The following SLC25A34 variants were observed in gnomAD, a reference collection of about 807,000 sequenced individuals.
SLC25A34 encodes solute carrier family 25, member 34.
Under a neutral mutation model 28.1 loss-of-function variants are expected in SLC25A34, and 26 were observed. The observed-to-expected ratio is 0.93, with a 90% CI of 0.68 to 1.28. The LOEUF is 1.28. Ranked by LOEUF, SLC25A34 falls within the 50% of genes most tolerant of loss-of-function variation. The probability of loss-of-function intolerance (pLI) is 0.00; values close to 1 mark genes in which losing one functional copy is unlikely to be tolerated. For synonymous variants in SLC25A34, 182 were observed against 182.2 expected, an observed-to-expected ratio of 1.00 and a Z score of 0.01; for missense variants, 384 against 409.8, an observed-to-expected ratio of 0.94 and a Z score of 0.54.
At chr1:15,738,965 CTTCCTGATG>C in intron 4 of SLC25A34, 1 of 603,174 alleles carries the variant, frequency 1.7e-6, no homozygotes, top group Non-Finnish European at 2.7e-6. Flanking sequence ...TCACATTCAT[CTTCCTGATG>C]AGGAAGCTGA....
chr1:15,738,151 A>G lies in SLC25A34; in HGVS notation c.503A>G (p.Gln168Arg), dbSNP rs781268915. ...CAGCAAGGGCTCTTGGGGCTGTGGCAGGGCGTTGGTGGGGCTGTGCCCCGA... is the reference window on the plus strand; with the variant it reads ...CAGCAAGGGCTCTTGGGGCTGTGGCGGGGCGTTGGTGGGGCTGTGCCCCGA... ...WRQQGLLGLWQGVGGAVPRVM... is the reference protein window; with the variant it reads ...WRQQGLLGLWRGVGGAVPRVM... The change falls in exon 3 of 5, where the codon CAG becomes CGG. Residue 168 changes from glutamine to arginine, a missense_variant. Gln to Arg is a conservative substitution (Grantham distance 43, BLOSUM62 1). Coordinates refer to ENST00000294454, the MANE Select transcript of SLC25A34 (RefSeq NM_207348.3). The G allele has an allele frequency of 3.1e-6, 5 of 1,608,076 alleles. No individual in the cohort carries two copies. Among genetic ancestry groups the G allele is most frequent in the African/African-American group, 1.3e-5 (1 of 74,998 alleles).
At chr1:15,738,038 G>C in intron 2 of SLC25A34, 44 bp downstream of exon 2, 2 of 1,613,680 alleles carry the variant, frequency 1.2e-6, no homozygotes, top group Non-Finnish European at 1.7e-6. Context: ...CATGGATTGG[G>C]CATGCTCCCA....
At chr1:15,737,544 T>C (rs2148389002) in intron 1 of SLC25A34, among the ~76,000 whole-genome samples, 1 of 145,722 alleles carries the variant, frequency 6.9e-6, no homozygotes, top group East Asian at 2.0e-4. Flanking sequence ...TACTTCAGCC[T>C]GGGCAACACA....
Position 15,736,823 on chromosome 1 carries a change from C to T in SLC25A34, c.338C>T (p.Ala113Val), listed in dbSNP as rs1227520437. 6.9e-6 allele frequency: 11 copies of T among 1,591,366 alleles called. No homozygotes were observed. The highest frequency in any genetic ancestry group is 2.3e-5 in the East Asian group (1 of 44,404). Residue 113 changes from alanine (A) to valine (V), a missense_variant, in exon 1 of 5, where the codon GCG becomes GTG. Physicochemically the swap from Ala to Val is moderately conservative, Grantham distance 64 (BLOSUM62 0). Transcript: ENST00000294454. ...GGCACCGTGGTTGCGGGAGCCGTGG[C>T]GGGGGCACTGGGAGCCTTCGTGGGG... ...PGGTVVAGAVAGALGAFVGSP... is the reference protein window; with the variant it reads ...PGGTVVAGAVVGALGAFVGSP...
At position 15,738,148 on chromosome 1, in the gene SLC25A34, G is replaced by A; in HGVS notation, c.500G>A (p.Trp167Ter). The A allele has an allele frequency of 6.2e-7, 1 of 1,608,286 alleles. No homozygotes were observed. The highest frequency in any genetic ancestry group is 8.5e-7 in the Non-Finnish European group (1 of 1,176,520). The stretch of plus-strand genomic sequence containing the variant: ...CGGCAGCAAGGGCTCTTGGGGCTGT[G>A]GCAGGGCGTTGGTGGGGCTGTGCCC... ...IWRQQGLLGL[W>*]QGVGGAVPRV... The change falls in exon 3 of 5, where the codon TGG (tryptophan) becomes TAG (stop). Residue 167 changes from tryptophan to a stop codon, truncating the protein, a stop_gained. Coordinates refer to ENST00000294454, the MANE Select transcript of SLC25A34 (RefSeq NM_207348.3). LOFTEE classifies it high-confidence loss of function.
rs778747290 is a variant in SLC25A34, at chr1:15,736,564, C to T, written c.79C>T (p.Leu27=). 1.1e-5 allele frequency: 16 copies of T among 1,497,588 alleles called. No individual in the cohort carries two copies. In the African/African-American group the frequency reaches 2.0e-4, roughly 18 times the overall value. 92.8% of individuals were successfully genotyped at this position (1,497,588 alleles called of 1,614,324 possible). A position where few individuals can be genotyped will look rare whatever the true frequency, so the allele number is the denominator to read the frequency against. ...CCLACVFTNP[L]EVVKTRLQLQ... ...CCTGGCCTGTGTCTTCACCAACCCCCTGGAGGTGGTGAAGACGCGGCTGCA... is the reference window on the plus strand; with the variant it reads ...CCTGGCCTGTGTCTTCACCAACCCCTTGGAGGTGGTGAAGACGCGGCTGCA... Residue 27 remains leucine, a synonymous_variant, in exon 1 of 5, where the codon CTG becomes TTG. Transcript: ENST00000294454.
chr1:15,737,682 CCAACCG>C (rs2068238164), intron 1 of SLC25A34: 1 of 549,606 alleles, frequency 1.8e-6, no homozygotes, highest in African/African-American at 1.9e-5. Context: ...GAACAGCTTT[CCAACCG>C]TGACAGAATT....
chr1:15,738,678 G>T lies in SLC25A34; in HGVS notation c.682G>T (p.Asp228Tyr). 7 of 1,608,318 alleles carry T rather than the reference G, an allele frequency of 4.4e-6. No individual in the cohort carries two copies. The highest frequency in any genetic ancestry group is 5.9e-6 in the Non-Finnish European group (7 of 1,178,452). Residue 228 changes from aspartate to tyrosine, a missense_variant, in exon 4 of 5, where the codon GAT becomes TAT. Transcript: ENST00000294454. ...CGTGGTTGTCGTCATGACTCCCTTC[G>T]ATGTGGTCAGCACGCGGCTATACAA... ...IAVVVVMTPFDVVSTRLYNQP... is the reference protein window; with the variant it reads ...IAVVVVMTPFYVVSTRLYNQP...
chr1:15,736,612 C>G lies in SLC25A34; in HGVS notation c.127C>G (p.Arg43Gly), dbSNP rs762253847. 16 of 1,563,244 alleles carry G rather than the reference C, an allele frequency of 1.0e-5. No individual in the cohort carries two copies. Among genetic ancestry groups the G allele is most frequent in the Non-Finnish European group, 1.4e-5 (16 of 1,155,002 alleles). The change falls in exon 1 of 5, where the codon CGG (arginine) becomes GGG (glycine). Residue 43 changes from arginine (R) to glycine (G), a missense_variant. By Grantham distance (125) the Arg-to-Gly change is moderately radical (BLOSUM62 -2). Coordinates refer to ENST00000294454, the MANE Select transcript of SLC25A34 (RefSeq NM_207348.3). ...RLQLQGELQA[R>G]GTYPRPYHGF... ...GCAGCTGCAGGGGGAGCTGCAGGCC[C>G]GGGGCACCTACCCACGGCCCTACCA...
rs1374374130 is a variant in SLC25A34 at position 15,739,677 on chromosome 1, G to C, written c.*271G>C. 6 of 354,212 alleles carry C rather than the reference G, an allele frequency of 1.7e-5. No homozygotes were observed. The highest frequency in any genetic ancestry group is 3.0e-5 in the Non-Finnish European group (6 of 197,084). 21.9% of individuals were successfully genotyped at this position (354,212 alleles called of 1,614,324 possible). ...TCACCACATCCCAGAGCCTTGCTCA[G>C]TTATAGCAACTGCTGCGGGCGTGCA... On this transcript the variant is annotated 3_prime_UTR_variant, in exon 5 of 5. Coordinates refer to ENST00000294454, the MANE Select transcript of SLC25A34 (RefSeq NM_207348.3).
intron 3 of SLC25A34, 50 bp from the exon 4 acceptor site, chr1:15,738,544 G>C (rs370678489): frequency 1.3e-6 from 2 of 1,573,092 alleles, no homozygotes; most frequent in East Asian, 4.6e-5. Context: ...GGCACGACGT[G>C]GGTGGGTAGA....
In SLC25A34 at chr1:15,740,960, G is replaced by C. The variant is rs1389586151; in HGVS notation, c.*1554G>C. 1 of 152,360 alleles carries C rather than the reference G, an allele frequency of 6.6e-6. No homozygotes were observed. Among genetic ancestry groups the C allele is most frequent in the Non-Finnish European group, 1.5e-5 (1 of 68,152 alleles). 9.4% of individuals were successfully genotyped at this position (152,360 alleles called of 1,614,324 possible). On this transcript the variant is annotated 3_prime_UTR_variant, in exon 5 of 5. Transcript: ENST00000294454. ...GGCCTCCCAAAATGCTGGGATTACAGGCGTGAGCCACCGCGCCTGGCCTCA... is the reference window on the plus strand; with the variant it reads ...GGCCTCCCAAAATGCTGGGATTACACGCGTGAGCCACCGCGCCTGGCCTCA...
In SLC25A34 at chr1:15,736,643, T is replaced by C. The variant is rs1468800571; in HGVS notation, c.158T>C (p.Phe53Ser). 3.8e-6 allele frequency: 6 copies of C among 1,591,504 alleles called. No homozygotes were observed. In the African/African-American group the frequency reaches 4.0e-5, roughly 11 times the overall value. ...ACCTACCCACGGCCCTACCATGGCT[T>C]CATAGCCTCTGTCGCTGCTGTGGCC... Reference protein sequence around the residue: ...RGTYPRPYHGFIASVAAVARA... With the variant: ...RGTYPRPYHGSIASVAAVARA... The change falls in exon 1 of 5, where the codon TTC (phenylalanine) becomes TCC (serine). Residue 53 changes from phenylalanine to serine, a missense_variant. Coordinates refer to ENST00000294454, the MANE Select transcript of SLC25A34 (RefSeq NM_207348.3).
At chr1:15,738,783 C>G in intron 4 of SLC25A34, 55 bp downstream of exon 4, 2 of 294,022 alleles carry the variant, frequency 6.8e-6, no homozygotes, top group Non-Finnish European at 8.7e-6. Context: ...ACCCCCCCAA[C>G]ACACACACAC....
Position 15,740,281 on chromosome 1 carries a change from T to G in SLC25A34, c.*875T>G, listed in dbSNP as rs1317608915. On this transcript the variant is annotated 3_prime_UTR_variant, in exon 5 of 5. Transcript: ENST00000294454. ...CCACCCTCATGACCCCACTTTAATT[T>G]TTTTTTTTTTTTTTGAGATGAAGTC... The G allele has an allele frequency of 6.7e-6, 1 of 150,026 alleles. No homozygotes were observed. Among genetic ancestry groups the G allele is most frequent in the Non-Finnish European group, 1.5e-5 (1 of 67,620 alleles). 9.3% of individuals were successfully genotyped at this position (150,026 alleles called of 1,614,324 possible).
In SLC25A34 at chr1:15,736,795, G is replaced by A. The variant is rs753332524; in HGVS notation, c.310G>A (p.Gly104Ser). The A allele has an allele frequency of 3.1e-6, 5 of 1,602,538 alleles. No individual in the cohort carries two copies. The South Asian group carries it at 5.5e-5, about 18-fold the overall frequency. The change falls in exon 1 of 5, where the codon GGT becomes AGT. Residue 104 changes from glycine (G) to serine (S), a missense_variant. Transcript: ENST00000294454. ...ACQAGLTQQPGGTVVAGAVAG... is the reference protein window; with the variant it reads ...ACQAGLTQQPSGTVVAGAVAG... ...CCAGGCTGGCCTCACGCAGCAACCA[G>A]GTGGCACCGTGGTTGCGGGAGCCGT...
In SLC25A34 at chr1:15,739,204, C is replaced by G. The variant is rs780899615; in HGVS notation, c.733-20C>G. 6.2e-7 allele frequency: 1 copy of G among 1,608,418 alleles called. No homozygotes were observed. The highest frequency in any genetic ancestry group is 8.5e-7 in the Non-Finnish European group (1 of 1,177,576). ...GCCTCAAGGCCCCTGTAGTAACACT[C>G]ACCCCATGTCTTTCCCCAGGGCCAG... On this transcript the variant is annotated intron_variant, in intron 4 of 4. Coordinates refer to ENST00000294454, the MANE Select transcript of SLC25A34 (RefSeq NM_207348.3).
rs778351052 is a variant in SLC25A34 at position 15,739,312 on chromosome 1, C to G, written c.821C>G (p.Ala274Gly). ...PLALYKGLGPAYLRLGPHTIL... is the reference protein window; with the variant it reads ...PLALYKGLGPGYLRLGPHTIL... Reference sequence around the variant, plus strand: ...GCACTCTACAAGGGCCTGGGCCCCGCCTACCTGCGCCTGGGCCCCCACACC... The same window carrying G: ...GCACTCTACAAGGGCCTGGGCCCCGGCTACCTGCGCCTGGGCCCCCACACC... The change falls in exon 5 of 5, where the codon GCC (alanine) becomes GGC (glycine). Residue 274 changes from alanine to glycine, a missense_variant. By Grantham distance (60) the Ala-to-Gly change is moderately conservative. Coordinates refer to ENST00000294454, the MANE Select transcript of SLC25A34 (RefSeq NM_207348.3). The G allele has an allele frequency of 1.2e-6, 2 of 1,610,490 alleles. No individual in the cohort carries two copies. The highest frequency in any genetic ancestry group is 3.4e-5 in the Admixed American group (2 of 59,520).
At position 15,736,481 on chromosome 1, in the gene SLC25A34, A is replaced by G; in HGVS notation, c.-5A>G. 6.9e-7 allele frequency: 1 copy of G among 1,441,680 alleles called. No individual in the cohort carries two copies. Among genetic ancestry groups the G allele is most frequent in the Non-Finnish European group, 9.1e-7 (1 of 1,099,030 alleles). The allele number at this position is 1,441,680 out of a possible 1,614,324, so 89.3% of individuals were successfully genotyped here. ...CGGGCACAGAAGGCCACTGGCCCGG[A>G]GGCCATGGAGACGGTGCCCCCAGCA... On this transcript the variant is annotated 5_prime_UTR_variant, in exon 1 of 5. Transcript: ENST00000294454.
Sources: gnomAD v4.1 joint callset for allele counts (sites outside exome capture counted in the v4.1 genomes callset) on GRCh38, gnomAD v4.1.1 for gene constraint, MANE v1.5 for transcripts, NCBI Gene and HGNC (gene_info 2026-07-23, HGNC 2026-07-21) for gene names.